Variants in POLR1C observed in about 807,000 individuals in gnomAD.
POLR1C encodes RNA polymerase I and III subunit C.
In POLR1C, 42 loss-of-function variants were observed where a neutral mutation model predicts 38.3. The observed-to-expected ratio is 1.10, with a 90% confidence interval of 0.86 to 1.42. The LOEUF is 1.42. POLR1C is among the 40% of genes most tolerant of loss of function. POLR1C has a pLI of 0.00. For missense variants in POLR1C, 507 were observed against 450.5 expected, an observed-to-expected ratio of 1.13 and a Z score of -1.14; for synonymous variants, 163 against 163.9, an observed-to-expected ratio of 0.99 and a Z score of 0.04.
chr6:43,528,972 C>T (rs538910409), intron 8 of POLR1C: 4 of 1,555,516 alleles, frequency 2.6e-6, no homozygotes, highest in Admixed American at 3.7e-5. Flanking sequence ...ACACATCTCT[C>T]ACCTGCCAGG....
chr6:43,517,459 T>C, intron 2 of POLR1C, 82 bp downstream of exon 2: 1 of 1,214,272 alleles, frequency 8.2e-7, no homozygotes, highest in African/African-American at 1.5e-5. Context: ...TCTCAGAAGC[T>C]GCTCTTGGGG....
At chr6:43,561,285 TACAGAAAGA>T in intron 10 of POLR1C, 1 of 354,638 alleles carries the variant, frequency 2.8e-6, no homozygotes, top group Non-Finnish European at 5.1e-6. Context: ...TTTCAGAAAT[TACAGAAAGA>T]AAAAAAATCT....
At chr6:43,548,626 A>G (rs1403447498) in intron 9 of POLR1C, among the ~76,000 whole-genome samples, 2 of 152,114 alleles carry the variant, frequency 1.3e-5, no homozygotes, top group African/African-American at 4.8e-5. Flanking sequence ...TGCCTAAATA[A>G]GCAAGGCAAT....
At chr6:43,524,780 G>T, downstream of POLR1C, 2 of 1,608,170 alleles carry the variant, frequency 1.2e-6, no homozygotes, top group South Asian at 2.2e-5. Context: ...ACTAGGAGCA[G>T]ACTGAGTGAT....
At chr6:43,526,877 G>A (rs1561863369) in intron 8 of POLR1C, 1 of 881,604 alleles carries the variant, frequency 1.1e-6, no homozygotes, top group Non-Finnish European at 1.8e-6. Context: ...ACCGTCCAAG[G>A]CACAAGAATT....
intron 10 of POLR1C, chr6:43,554,853 T>C (rs1761964014): frequency 6.6e-6 from 1 of 152,036 alleles, no homozygotes; most frequent in Non-Finnish European, 1.5e-5. Flanking sequence ...GAGTCAATTG[T>C]AAATAAAGCT....
chr6:43,562,197 G>C (rs759831508), exon 11 of POLR1C: 24 of 1,460,508 alleles, frequency 1.6e-5, no homozygotes, highest in South Asian at 2.5e-5. Flanking sequence ...GTTTCTAAAT[G>C]CTCTTCCCAA....
chr6:43,537,079 A>G (rs1216040951), intron 9 of POLR1C, among the ~76,000 whole-genome samples: 1 of 151,142 alleles, frequency 6.6e-6, no homozygotes, highest in African/African-American at 2.4e-5. Context: ...TGGCCCTTCC[A>G]CCTCAGGCTC....
downstream of POLR1C, among the ~76,000 whole-genome samples, chr6:43,521,947 G>A (rs1368747959): frequency 4.6e-5 from 7 of 152,188 alleles, no homozygotes; most frequent in Non-Finnish European, 1.0e-4. Context: ...AACACCTCCT[G>A]AGAATTGGCA....
In POLR1C at chr6:43,520,434, A is replaced by G; in HGVS notation, c.655+7A>G. The G allele has an allele frequency of 1.2e-6, 2 of 1,613,232 alleles. No individual in the cohort carries two copies. Among genetic ancestry groups the G allele is most frequent in the Non-Finnish European group, 1.7e-6 (2 of 1,180,012 alleles). On this transcript the variant is annotated splice_region_variant and intron_variant, in intron 6 of 8. Transcript: ENST00000642195. ...CACTGTGTCAAGGGCATTGGTGAGA[A>G]CCCTGTGTGCCTTCCTGGGAAGGGG...
chr6:43,526,584 T>C, intron 8 of POLR1C: 2 of 1,295,462 alleles, frequency 1.5e-6, no homozygotes, highest in South Asian at 1.3e-5. Flanking sequence ...ACATGTAGGG[T>C]GTCTTCTCCT....
At chr6:43,523,585 C>T (rs564515094), downstream of POLR1C, 3 of 614,318 alleles carry the variant, frequency 4.9e-6, no homozygotes, top group Admixed American at 3.9e-5. Flanking sequence ...AAGGGCTGCT[C>T]TGCTCTAGCT....
chr6:43,539,633 C>A, intron 9 of POLR1C: 1 of 1,336,826 alleles, frequency 7.5e-7, no homozygotes, highest in Non-Finnish European at 1.0e-6. Flanking sequence ...TCTGCGGAAG[C>A]CACCGCGGTT....
At chr6:43,541,778 CTTCTTTTT>C (rs1309591014) in intron 9 of POLR1C, among the ~76,000 whole-genome samples, 1 of 152,090 alleles carries the variant, frequency 6.6e-6, no homozygotes, top group Non-Finnish European at 1.5e-5. Context: ...TAATCCAATA[CTTCTTTTT>C]TTCTTTTTTG....
At chr6:43,561,332 C>G (rs116006746) in intron 10 of POLR1C, 3,009 of 254,268 alleles carry the variant, frequency 0.012, 109 homozygotes, top group African/African-American at 0.062. Context: ...CTTACCTATT[C>G]ACATCTCTGT....
At chr6:43,534,147 A>G (rs1262480263), downstream of POLR1C, 7 of 526,860 alleles carry the variant, frequency 1.3e-5, no homozygotes, top group Non-Finnish European at 6.8e-6. Context: ...AGAAGGTATA[A>G]ATATCTGAAT....
intron 10 of POLR1C, among the ~76,000 whole-genome samples, chr6:43,553,095 CTTGAGGCCAGGAGT>C (rs1795329451): frequency 1.3e-5 from 2 of 152,090 alleles, no homozygotes; most frequent in African/African-American, 4.8e-5. Flanking sequence ...AGGAGGGTCG[CTTGAGGCCAGGAGT>C]TTGAGATCAG....
rs563422938 is a variant in POLR1C at position 43,547,855 on chromosome 6, A to T, written c.*5-3113A>T. The T allele has an allele frequency of 3.2e-3, 2,015 of 623,070 alleles. 7 individuals carry two copies. The highest frequency in any genetic ancestry group is 4.2e-3 in the Non-Finnish European group (1,494 of 359,746). The allele number at this position is 623,070 out of a possible 1,614,324, so 38.6% of individuals were successfully genotyped here. On this transcript the variant is annotated intron_variant, in intron 9 of 10. Transcript: ENST00000607635. The stretch of plus-strand genomic sequence containing the variant: ...ATAATCATACTAATTGTCAGTTGTC[A>T]TTTGAAGGTTTAAATTTCCCTTCCC...
chr6:43,519,255 A>T lies in POLR1C; in HGVS notation c.142-78A>T, dbSNP rs1793011396. The T allele has an allele frequency of 1.6e-5, 14 of 859,176 alleles. No homozygotes were observed. In the South Asian group the frequency reaches 2.0e-4, roughly 12 times the overall value. The allele number at this position is 859,176 out of a possible 1,614,324, so 53.2% of individuals were successfully genotyped here. On this transcript the variant is annotated intron_variant, in intron 2 of 8. Transcript: ENST00000642195. Reference sequence around the variant, plus strand: ...TGGATGAGAGGATAATACTTGAGGGAATTATCTAAGGGGGAGGTATGAAGA... The same window carrying T: ...TGGATGAGAGGATAATACTTGAGGGTATTATCTAAGGGGGAGGTATGAAGA...
Sources: gnomAD v4.1 joint callset for allele counts (sites outside exome capture counted in the v4.1 genomes callset) on GRCh38, gnomAD v4.1.1 for gene constraint, MANE v1.5 for transcripts, NCBI Gene and HGNC (gene_info 2026-07-23, HGNC 2026-07-21) for gene names.